The following CPNE4 variants were observed in gnomAD, a reference collection of about 807,000 sequenced individuals.
CPNE4 encodes copine-4.
CPNE4 carries 25 observed loss-of-function variants against 67.9 expected under a neutral mutation model. The ratio of observed to expected loss-of-function variants is 0.37; its 90% CI spans 0.27 to 0.51. The LOEUF (loss-of-function observed/expected upper bound fraction) is 0.51, where lower values mean the gene tolerates loss of function less well. CPNE4 is among the 20% of genes least tolerant of loss of function. The probability of loss-of-function intolerance (pLI) is 0.93; values close to 1 mark genes in which losing one functional copy is unlikely to be tolerated. For missense variants in CPNE4, 464 were observed against 690.8 expected (o/e 0.67, Z 3.68); for synonymous variants, 242 against 244.9 (o/e 0.99, Z 0.11).
chr3:132,026,296 C>T (rs2074114867), intron 1 of CPNE4, among the ~76,000 whole-genome samples: 1 of 152,158 alleles, frequency 6.6e-6, no homozygotes, highest in African/African-American at 2.4e-5. Flanking sequence ...ACAACTGCTA[C>T]TTGGAAAAGC....
At chr3:132,018,259 T>C (rs924191775) in intron 1 of CPNE4, among the ~76,000 whole-genome samples, 2 of 152,188 alleles carry the variant, frequency 1.3e-5, no homozygotes, top group African/African-American at 4.8e-5. Context: ...GGGATGTCCA[T>C]AAACCCCCAA....
intron 12 of CPNE4, 59 bp from the exon 13 acceptor site, chr3:131,552,550 G>A: frequency 7.0e-7 from 1 of 1,418,946 alleles, no homozygotes; most frequent in Non-Finnish European, 9.9e-7. Flanking sequence ...CTTTAATCCA[G>A]TAAGAAGGCA....
chr3:131,535,474 A>C (rs1935086111), intron 15 of CPNE4, 145 bp from the exon 16 acceptor site: 1 of 723,316 alleles, frequency 1.4e-6, no homozygotes, highest in Non-Finnish European at 2.1e-6. Context: ...TTCAAGCAAT[A>C]GTTGTCAGAT....
At chr3:131,838,548 AT>A (rs2085645034) in intron 2 of CPNE4, among the ~76,000 whole-genome samples, 1 of 151,918 alleles carries the variant, frequency 6.6e-6, no homozygotes, top group South Asian at 2.1e-4. Context: ...AGTAAAGGAA[AT>A]AACATTAAAA....
chr3:131,836,921 TA>T (rs1300300659), intron 2 of CPNE4, among the ~76,000 whole-genome samples: 3 of 152,072 alleles, frequency 2.0e-5, no homozygotes, highest in African/African-American at 7.2e-5. Context: ...GTAAAATACT[TA>T]AAAATACACT....
Position 131,837,667 on chromosome 3 carries a change from A to G in CPNE4, c.180+67597T>C, listed in dbSNP as rs576005209. Among the ~76,000 whole-genome samples the G allele has an allele frequency of 5.9e-5, 9 of 152,120 alleles. No homozygotes were observed. The East Asian group carries it at 1.7e-3, about 29-fold the overall frequency. Reference sequence around the variant, plus strand: ...GTAATACATGTAATAAAATTGATAGAACTATATACTACCCTCCACCAAAAA... The same window carrying G: ...GTAATACATGTAATAAAATTGATAGGACTATATACTACCCTCCACCAAAAA... On this transcript the variant is annotated intron_variant, in intron 2 of 15. Transcript: ENST00000429747.
chr3:131,603,152 G>C (rs971758414), intron 7 of CPNE4, among the ~76,000 whole-genome samples: 22 of 152,092 alleles, frequency 1.4e-4, no homozygotes, highest in Non-Finnish European at 1.5e-5. Context: ...AATCTTATTT[G>C]ATGGTTTATT....
intron 2 of CPNE4, among the ~76,000 whole-genome samples, chr3:131,878,133 G>T (rs1306152066): frequency 6.6e-6 from 1 of 152,112 alleles, no homozygotes; most frequent in Non-Finnish European, 1.5e-5. Flanking sequence ...TTATCCAAAA[G>T]AAATGTATCC....
intron 7 of CPNE4, among the ~76,000 whole-genome samples, chr3:131,664,309 A>G (rs1054392950): frequency 1.3e-5 from 2 of 152,154 alleles, no homozygotes; most frequent in African/African-American, 4.8e-5. Context: ...GAACATCAAC[A>G]TTGCCTCCTA....
chr3:131,598,969 G>A (rs1294855940), intron 7 of CPNE4, among the ~76,000 whole-genome samples: 1 of 151,026 alleles, frequency 6.6e-6, no homozygotes, highest in African/African-American at 2.4e-5. Context: ...GGGTCAGAAA[G>A]GTAAAAAGCA....
intron 2 of CPNE4, among the ~76,000 whole-genome samples, chr3:131,732,603 G>A (rs909380520): frequency 6.6e-6 from 1 of 152,174 alleles, no homozygotes; most frequent in African/African-American, 2.4e-5. Context: ...TGCCACCGCT[G>A]TCTGCCCACC....
intron 1 of CPNE4, among the ~76,000 whole-genome samples, chr3:132,007,619 G>A (rs1583590653): frequency 6.6e-6 from 1 of 152,078 alleles, no homozygotes; most frequent in East Asian, 1.9e-4. Context: ...ACCATACACA[G>A]CAGCCCTTTT....
At chr3:131,942,276 A>C (rs2071410647) in intron 1 of CPNE4, among the ~76,000 whole-genome samples, 1 of 152,060 alleles carries the variant, frequency 6.6e-6, no homozygotes, top group Non-Finnish European at 1.5e-5. Context: ...AAAAATTTAA[A>C]AGCATACTAC....
At chr3:131,842,900 T>C (rs1175002784) in intron 2 of CPNE4, among the ~76,000 whole-genome samples, 3 of 152,092 alleles carry the variant, frequency 2.0e-5, no homozygotes, top group Non-Finnish European at 4.4e-5. Context: ...CAAAACGATA[T>C]ACAGCATTTA....
intron 5 of CPNE4, among the ~76,000 whole-genome samples, chr3:131,691,790 T>A (rs1159157420): frequency 6.6e-6 from 1 of 152,094 alleles, no homozygotes. Context: ...ACTGTACAAA[T>A]ATCAGGGGTG....
intron 1 of CPNE4, among the ~76,000 whole-genome samples, chr3:131,978,514 T>TATA (rs1560724614): frequency 5.2e-5 from 4 of 76,600 alleles, no homozygotes; most frequent in African/African-American, 2.6e-4. Flanking sequence ...TTATATATAT[T>TATA]TATTTATATA....
chr3:131,599,892 T>C (rs949127513), intron 7 of CPNE4, among the ~76,000 whole-genome samples: 47 of 152,184 alleles, frequency 3.1e-4, no homozygotes, highest in African/African-American at 9.7e-4. Flanking sequence ...TGGCTATAAA[T>C]ACAAAGCCAG....
chr3:131,566,639 G>A (rs1191504321), intron 10 of CPNE4, among the ~76,000 whole-genome samples: 1 of 151,928 alleles, frequency 6.6e-6, no homozygotes, highest in Non-Finnish European at 1.5e-5. Context: ...GCACTCCAGA[G>A]ATGTTTGAGA....
chr3:131,925,058 G>A (rs2070855704), intron 1 of CPNE4, among the ~76,000 whole-genome samples: 1 of 152,070 alleles, frequency 6.6e-6, no homozygotes, highest in South Asian at 2.1e-4. Flanking sequence ...TCTTCATAAA[G>A]AAGTTTCACT....
Sources: allele counts gnomAD v4.1 joint callset (sites outside exome capture counted in the v4.1 genomes callset), GRCh38; gene constraint gnomAD v4.1.1; transcripts MANE v1.5; gene names NCBI Gene and HGNC (gene_info 2026-07-23, HGNC 2026-07-21).